The following PRH1 variants were observed in gnomAD, a reference collection of about 807,000 sequenced individuals.
The protein encoded by PRH1 is proline rich protein HaeIII subfamily 1, also known as salivary acidic proline-rich phosphoprotein 1/2.
A neutral mutation model predicts 7.9 loss-of-function variants in PRH1; 7 were observed. The observed-to-expected ratio is 0.89, with a 90% CI of 0.50 to 1.67. The LOEUF (loss-of-function observed/expected upper bound fraction) is 1.67. PRH1 is among the 40% of genes most tolerant of loss of function. The pLI is 0.00. For missense variants in PRH1, 109 were observed against 223.6 expected, an observed-to-expected ratio of 0.49 and a Z score of 3.27; for synonymous variants, 45 against 80.8, an observed-to-expected ratio of 0.56 and a Z score of 2.38.
chr12:11,156,044 G>C (rs986775899), intron 1 of PRH1, among the ~76,000 whole-genome samples: 1 of 152,012 alleles, frequency 6.6e-6, no homozygotes, highest in Non-Finnish European at 1.5e-5. Flanking sequence ...TTTTAGTTAC[G>C]CACATTTGCC....
intron 1 of PRH1, chr12:11,159,351 G>A (rs1592124805): frequency 6.6e-6 from 1 of 150,852 alleles, no homozygotes; most frequent in Non-Finnish European, 1.5e-5. Flanking sequence ...AAATAAGCGG[G>A]AGAAATTGGC....
At chr12:11,036,894 T>G (rs1437830986) in intron 1 of PRH1, among the ~76,000 whole-genome samples, 1 of 152,226 alleles carries the variant, frequency 6.6e-6, no homozygotes, top group Non-Finnish European at 1.5e-5. Flanking sequence ...CAGTGTGATT[T>G]CAGGCTTGTT....
At chr12:11,113,078 A>G (rs1565665384) in intron 1 of PRH1, among the ~76,000 whole-genome samples, 1 of 152,196 alleles carries the variant, frequency 6.6e-6, no homozygotes, top group African/African-American at 2.4e-5. Context: ...ATACCTAGGA[A>G]TACAGCTAAG....
At chr12:10,981,865 T>TC (rs1364347646) in intron 1 of PRH1, among the ~76,000 whole-genome samples, 15 of 22,434 alleles carry the variant, frequency 6.7e-4, no homozygotes, top group African/African-American at 1.7e-3. Context: ...AAACAACTAA[T>TC]TTTTTTTTTT....
At chr12:10,930,588 G>A (rs1000069827) in intron 2 of PRH1, 55 of 1,594,050 alleles carry the variant, frequency 3.5e-5, no homozygotes, top group Non-Finnish European at 4.1e-5. Flanking sequence ...CGGCCGTGTG[G>A]TGAAGACAGA....
intron 1 of PRH1, among the ~76,000 whole-genome samples, chr12:11,112,134 C>A (rs1023809155): frequency 6.6e-6 from 1 of 152,124 alleles, no homozygotes; most frequent in African/African-American, 2.4e-5. Flanking sequence ...AGACCAATAA[C>A]AAGTTCTGAA....
intron 2 of PRH1, chr12:10,931,208 G>A (rs1591692005): frequency 1.3e-6 from 2 of 1,515,270 alleles, no homozygotes; most frequent in South Asian, 1.3e-5. Context: ...CATGAGTTTT[G>A]TTCAAATATT....
In PRH1 at chr12:11,133,596, G is replaced by A. The variant is rs765613457; in HGVS notation, n.40-12416C>T. On this transcript the variant is annotated intron_variant and non_coding_transcript_variant, in intron 1 of 1. Transcript: ENST00000541175. ...ATGTGGACCTTGGTGCTGGGATCTT[G>A]AGATCCTTTGCCATGGAGCTGCATC... 5.6e-6 allele frequency: 9 copies of A among 1,614,158 alleles called. No homozygotes were observed. The Admixed American group carries it at 1.5e-4, about 27-fold the overall frequency.
At chr12:11,063,395 C>G (rs533584415) in intron 1 of PRH1, among the ~76,000 whole-genome samples, 1 of 152,048 alleles carries the variant, frequency 6.6e-6, no homozygotes, top group Non-Finnish European at 1.5e-5. Flanking sequence ...AGAATATCAC[C>G]TGGCTAGTAC....
Position 10,882,197 on chromosome 12 carries a change from A to G in PRH1, c.*18+20T>C. 6.2e-7 allele frequency: 1 copy of G among 1,612,636 alleles called. No individual in the cohort carries two copies. The highest frequency in any genetic ancestry group is 8.5e-7 in the Non-Finnish European group (1 of 1,179,672). ...CTGTAGCAGTTGGAGCCTTTGATGG[A>G]TAATAAACTGGAATCGTACCTGTCA... On this transcript the variant is annotated intron_variant, in intron 3 of 3. Coordinates refer to ENST00000543626, the MANE Select transcript of PRH1 (RefSeq NM_001393989.1).
At chr12:11,119,715 A>G (rs1343985061), downstream of PRH1, among the ~76,000 whole-genome samples, 3 of 152,192 alleles carry the variant, frequency 2.0e-5, no homozygotes. Context: ...AATTCCACAT[A>G]TTGACAGTAA....
chr12:11,100,192 G>A (rs1031225819), intron 1 of PRH1, among the ~76,000 whole-genome samples: 13 of 152,008 alleles, frequency 8.6e-5, no homozygotes, highest in South Asian at 2.1e-4. Flanking sequence ...GGGAAATACC[G>A]GAATGCATCA....
intron 2 of PRH1, among the ~76,000 whole-genome samples, chr12:10,956,371 T>C (rs1937959164): frequency 6.6e-6 from 1 of 152,132 alleles, no homozygotes. Flanking sequence ...AAATTCAATG[T>C]CTCTTCATAT....
chr12:10,997,594 G>A (rs1266569157), intron 1 of PRH1: 3 of 1,613,926 alleles, frequency 1.9e-6, no homozygotes, highest in Non-Finnish European at 2.5e-6. Flanking sequence ...GCCAGATGCT[G>A]AAATGATTGG....
chr12:11,060,196 C>G (rs1442538829), intron 1 of PRH1, among the ~76,000 whole-genome samples: 1 of 152,132 alleles, frequency 6.6e-6, no homozygotes, highest in Non-Finnish European at 1.5e-5. Flanking sequence ...ACATTTCCAT[C>G]TCATAATAGA....
chr12:10,908,323 T>C, intron 2 of PRH1: 2 of 1,446,188 alleles, frequency 1.4e-6, no homozygotes, highest in Non-Finnish European at 1.9e-6. Context: ...CCTTGTAGAC[T>C]CCTGTTTCTG....
At chr12:10,929,247 G>A in intron 2 of PRH1, 1 of 1,614,180 alleles carries the variant, frequency 6.2e-7, no homozygotes, top group South Asian at 1.1e-5. Context: ...GCATAAAGTT[G>A]GGAGTGACAC....
At chr12:10,952,139 T>A (rs1937707640) in intron 2 of PRH1, among the ~76,000 whole-genome samples, 1 of 152,220 alleles carries the variant, frequency 6.6e-6, no homozygotes, top group Non-Finnish European at 1.5e-5. Flanking sequence ...CAAGGATTGC[T>A]CGTGTTTTAT....
chr12:11,017,148 T>A (rs1270735565), intron 1 of PRH1, among the ~76,000 whole-genome samples: 2 of 152,282 alleles, frequency 1.3e-5, no homozygotes, highest in East Asian at 1.9e-4. Context: ...TTTACACCCA[T>A]GGGTGGGTCA....
Sources: gnomAD v4.1 joint callset for allele counts (sites outside exome capture counted in the v4.1 genomes callset) on GRCh38, gnomAD v4.1.1 for gene constraint, MANE v1.5 for transcripts, NCBI Gene and HGNC (gene_info 2026-07-23, HGNC 2026-07-21) for gene names.